The following SNX29 variants were observed in gnomAD, a reference collection of about 807,000 sequenced individuals.
SNX29 encodes sorting nexin-29.
SNX29 carries 78 observed loss-of-function variants against 102.1 expected under a neutral mutation model. The observed-to-expected ratio is 0.76, with a 90% CI of 0.64 to 0.92. The LOEUF is 0.92. Among genes scored for constraint, SNX29 ranks in the 40% least tolerant of loss-of-function variants. The probability of loss-of-function intolerance (pLI) is 0.00; values close to 1 mark genes in which losing one functional copy is unlikely to be tolerated. For synonymous variants in SNX29, 580 were observed against 414.5 expected (o/e 1.40, Z -4.85); for missense variants, 1,280 against 1,061.7 (o/e 1.21, Z -2.86).
intron 19 of SNX29, among the ~76,000 whole-genome samples, chr16:12,496,804 G>A (rs1450739748): frequency 6.6e-6 from 1 of 152,104 alleles, no homozygotes; most frequent in Admixed American, 6.5e-5. Context: ...TGCAGGGTTC[G>A]GGGAAGACAT....
At chr16:12,014,498 C>T (rs997124314) in intron 3 of SNX29, among the ~76,000 whole-genome samples, 7 of 151,804 alleles carry the variant, frequency 4.6e-5, no homozygotes, top group African/African-American at 9.7e-5. Context: ...TTTGGAAGGC[C>T]GAGGAGCACA....
intron 11 of SNX29, among the ~76,000 whole-genome samples, chr16:12,118,312 C>CTTTTTTTT (rs2053821296): frequency 2.8e-5 from 2 of 70,804 alleles, no homozygotes; most frequent in African/African-American, 1.2e-4. Flanking sequence ...ATACAGACCA[C>CTTTTTTTT]CTTTTTTTTT....
chr16:12,021,613 C>G (rs1194977720), intron 3 of SNX29, among the ~76,000 whole-genome samples: 1 of 152,026 alleles, frequency 6.6e-6, no homozygotes, highest in African/African-American at 2.4e-5. Context: ...ACAGGCTGGG[C>G]TTGGTGTCTC....
At chr16:12,527,427 T>G in intron 20 of SNX29, 1 of 436,366 alleles carries the variant, frequency 2.3e-6, no homozygotes, top group Admixed American at 3.4e-5. Context: ...CTTATAAATT[T>G]TGACAGATTT....
Position 12,572,901 on chromosome 16 carries a change from G to T in SNX29, c.*4272G>T. On this transcript the variant is annotated 3_prime_UTR_variant, in exon 21 of 21. Coordinates refer to ENST00000566228, the MANE Select transcript of SNX29 (RefSeq NM_032167.5). ...TGACTCTGCCTTGGCATTTCGCTCGGAATCACGGCAGACTTGGAGTGTTTC... is the reference window on the plus strand; with the variant it reads ...TGACTCTGCCTTGGCATTTCGCTCGTAATCACGGCAGACTTGGAGTGTTTC... 3.9e-6 allele frequency: 4 copies of T among 1,025,932 alleles called. No individual in the cohort carries two copies. The highest frequency in any genetic ancestry group is 2.4e-6 in the Non-Finnish European group (2 of 843,976). 63.6% of individuals were successfully genotyped at this position (1,025,932 alleles called of 1,614,324 possible).
chr16:12,367,108 C>T (rs1349406751), intron 16 of SNX29: 2 of 152,240 alleles, frequency 1.3e-5, no homozygotes, highest in African/African-American at 2.4e-5. Context: ...TGCCTGCCTT[C>T]CAGCATATGG....
At chr16:12,471,650 T>A (rs149786046) in intron 18 of SNX29, among the ~76,000 whole-genome samples, 164 of 152,350 alleles carry the variant, frequency 1.1e-3, no homozygotes, top group African/African-American at 3.7e-3. Flanking sequence ...CCCCACAAGT[T>A]AGGGTGAAAG....
chr16:12,368,628 C>T (rs575422601), intron 16 of SNX29, among the ~76,000 whole-genome samples: 28 of 152,290 alleles, frequency 1.8e-4, no homozygotes, highest in African/African-American at 6.5e-4. Flanking sequence ...GACAGAGGTC[C>T]TGCTTGGATA....
At chr16:12,269,383 C>A (rs1186154484) in intron 14 of SNX29, among the ~76,000 whole-genome samples, 1 of 152,158 alleles carries the variant, frequency 6.6e-6, no homozygotes, top group Non-Finnish European at 1.5e-5. Flanking sequence ...CTTGGAGGCT[C>A]CAGTGAGATT....
intron 5 of SNX29, among the ~76,000 whole-genome samples, chr16:12,044,287 T>A (rs2050001560): frequency 6.6e-6 from 1 of 152,216 alleles, no homozygotes; most frequent in South Asian, 2.1e-4. Flanking sequence ...AGTTCAGGTC[T>A]CCTCTTCTGC....
intron 15 of SNX29, among the ~76,000 whole-genome samples, chr16:12,353,118 T>G (rs1235080505): frequency 6.6e-6 from 1 of 152,138 alleles, no homozygotes; most frequent in East Asian, 1.9e-4. Flanking sequence ...CTAGCATAAT[T>G]TACCAAATGT....
intron 15 of SNX29, among the ~76,000 whole-genome samples, chr16:12,324,161 T>C (rs1461793872): frequency 6.6e-6 from 1 of 151,744 alleles, no homozygotes; most frequent in Non-Finnish European, 1.5e-5. Context: ...TTTTTGGGGG[T>C]CATTCCATGG....
In SNX29 at chr16:12,573,957, T is replaced by TG. The variant is rs1248270698; in HGVS notation, c.*5330dup. 5.0e-6 allele frequency: 1 copy of TG among 199,444 alleles called. No individual in the cohort carries two copies. The highest frequency in any genetic ancestry group is 7.7e-5 in the East Asian group (1 of 12,910). 12.4% of individuals were successfully genotyped at this position (199,444 alleles called of 1,614,324 possible). On this transcript the variant is annotated 3_prime_UTR_variant, in exon 21 of 21. Transcript: ENST00000566228. ...GAGTCTTTTTTGAATGGAGGAGCGA[T>TG]GGTAACCCCACTAGGGGGCGCCCAT...
intron 15 of SNX29, among the ~76,000 whole-genome samples, chr16:12,283,795 G>A (rs1030543110): frequency 6.6e-6 from 1 of 152,244 alleles, no homozygotes; most frequent in Non-Finnish European, 1.5e-5. Context: ...TAATTGAAGT[G>A]CAGAGGTAGG....
At chr16:12,158,647 C>G (rs940604968) in intron 13 of SNX29, among the ~76,000 whole-genome samples, 1 of 152,202 alleles carries the variant, frequency 6.6e-6, no homozygotes, top group African/African-American at 2.4e-5. Context: ...GATGCCTCAC[C>G]CAGGCTGTGG....
At chr16:12,463,426 A>C (rs922654851) in intron 18 of SNX29, among the ~76,000 whole-genome samples, 31 of 152,332 alleles carry the variant, frequency 2.0e-4, no homozygotes, top group African/African-American at 7.0e-4. Flanking sequence ...GAAGGCAAGG[A>C]GGAGCAACTC....
rs1339009910 is a variant in SNX29 at position 12,129,618 on chromosome 16, C to T, written c.1467-12C>T. The T allele has an allele frequency of 6.2e-7, 1 of 1,604,620 alleles. No homozygotes were observed. The highest frequency in any genetic ancestry group is 1.7e-5 in the Admixed American group (1 of 59,530). On this transcript the variant is annotated splice_polypyrimidine_tract_variant and intron_variant, in intron 12 of 20. Coordinates refer to ENST00000566228, the MANE Select transcript of SNX29 (RefSeq NM_032167.5). ...TGACAGCTTCTGAACAGATGGGTCC[C>T]TCTCTTCCCAGATCACTGCGAAACC...
intron 14 of SNX29, among the ~76,000 whole-genome samples, chr16:12,221,821 C>T (rs1596546351): frequency 6.6e-6 from 1 of 152,150 alleles, no homozygotes; most frequent in Non-Finnish European, 1.5e-5. Flanking sequence ...GTTGAAAATG[C>T]CCCAACTGCC....
chr16:12,545,353 TACAG>T (rs1329218348), intron 20 of SNX29: 1 of 152,134 alleles, frequency 6.6e-6, no homozygotes, highest in Non-Finnish European at 1.5e-5. Flanking sequence ...TCCAAGTACA[TACAG>T]AGTGACAACC....
Sources: allele counts gnomAD v4.1 joint callset (sites outside exome capture counted in the v4.1 genomes callset), GRCh38; gene constraint gnomAD v4.1.1; transcripts MANE v1.5; gene names NCBI Gene and HGNC (gene_info 2026-07-23, HGNC 2026-07-21).